Variants in VAT1L observed in about 807,000 individuals in gnomAD.
The protein encoded by VAT1L is vesicle amine transport 1 like, also known as putative NADPH-dependent quinone oxidoreductase VAT1L.
Under a neutral mutation model 44.1 loss-of-function variants are expected in VAT1L, and 34 were observed. The ratio of observed to expected loss-of-function variants is 0.77; its 90% CI spans 0.59 to 1.03. The LOEUF (loss-of-function observed/expected upper bound fraction) is 1.03, where lower values mean the gene tolerates loss of function less well. VAT1L is among the 50% of genes least tolerant of loss of function. VAT1L has a pLI of 0.00. For synonymous variants in VAT1L, 253 were observed against 202.2 expected, an observed-to-expected ratio of 1.25 and a Z score of -2.13; for missense variants, 615 against 538.8, an observed-to-expected ratio of 1.14 and a Z score of -1.40.
intron 3 of VAT1L, among the ~76,000 whole-genome samples, chr16:77,846,298 AAC>A (rs1184456207): frequency 6.6e-6 from 1 of 152,140 alleles, no homozygotes; most frequent in Non-Finnish European, 1.5e-5. Flanking sequence ...CCAAAGCAGA[AAC>A]AGCCCCCAGC....
chr16:77,797,615 C>T (rs959854624), intron 1 of VAT1L, among the ~76,000 whole-genome samples: 13 of 152,130 alleles, frequency 8.5e-5, no homozygotes, highest in Non-Finnish European at 1.5e-4. Context: ...TATAGACAAT[C>T]CAGTCTCTGG....
intron 7 of VAT1L, among the ~76,000 whole-genome samples, chr16:77,954,195 G>A (rs1311760760): frequency 6.6e-6 from 1 of 152,146 alleles, no homozygotes; most frequent in Non-Finnish European, 1.5e-5. Context: ...TGATACTTGC[G>A]CAGAACCAAA....
At chr16:77,923,240 G>A (rs752355832) in intron 7 of VAT1L, among the ~76,000 whole-genome samples, 5 of 152,188 alleles carry the variant, frequency 3.3e-5, no homozygotes, top group Non-Finnish European at 7.3e-5. Flanking sequence ...CATGAGGTCA[G>A]GAAATCGAGA....
intron 4 of VAT1L, among the ~76,000 whole-genome samples, chr16:77,869,891 G>A (rs1240481420): frequency 6.6e-6 from 1 of 152,146 alleles, no homozygotes; most frequent in Non-Finnish European, 1.5e-5. Flanking sequence ...TGAAGCCAAG[G>A]AGTATAAGAT....
chr16:77,866,757 C>T (rs946606953), intron 4 of VAT1L, among the ~76,000 whole-genome samples: 1 of 152,088 alleles, frequency 6.6e-6, no homozygotes, highest in African/African-American at 2.4e-5. Flanking sequence ...ACAGACCTAA[C>T]CTTTACATCC....
chr16:77,817,074 G>A, intron 2 of VAT1L, 24 bp downstream of exon 2: 1 of 1,605,888 alleles, frequency 6.2e-7, no homozygotes. Flanking sequence ...CTCAATTGAA[G>A]AGTAATATTC....
At chr16:77,828,617 C>A (rs919803196) in intron 3 of VAT1L, among the ~76,000 whole-genome samples, 1 of 151,762 alleles carries the variant, frequency 6.6e-6, no homozygotes, top group African/African-American at 2.4e-5. Flanking sequence ...GAGCTGAGAT[C>A]GTGCCACTGC....
chr16:77,888,665 G>A (rs1316439169), intron 7 of VAT1L, among the ~76,000 whole-genome samples: 1 of 152,188 alleles, frequency 6.6e-6, no homozygotes, highest in Non-Finnish European at 1.5e-5. Flanking sequence ...CTGTAGAATG[G>A]TGAGCAGCAT....
chr16:77,871,370 G>A (rs1462002252), intron 4 of VAT1L, among the ~76,000 whole-genome samples: 2 of 152,124 alleles, frequency 1.3e-5, no homozygotes, highest in African/African-American at 4.8e-5. Context: ...ACGGGGGCAG[G>A]TGGCCTGAAT....
intron 7 of VAT1L, among the ~76,000 whole-genome samples, chr16:77,902,722 G>A (rs1471724752): frequency 7.2e-5 from 7 of 97,548 alleles, no homozygotes; most frequent in Non-Finnish European, 8.1e-5. Context: ...TTGGGAGGCC[G>A]ATGGGGGGGT....
chr16:77,896,438 G>C (rs759584510), intron 7 of VAT1L, among the ~76,000 whole-genome samples: 1 of 152,166 alleles, frequency 6.6e-6, no homozygotes, highest in African/African-American at 2.4e-5. Flanking sequence ...CCTTCCTTCG[G>C]TTTCTATTTA....
At chr16:77,897,749 C>T (rs972319386) in intron 7 of VAT1L, among the ~76,000 whole-genome samples, 2 of 152,124 alleles carry the variant, frequency 1.3e-5, no homozygotes, top group African/African-American at 2.4e-5. Flanking sequence ...TGCTGGGATT[C>T]CAGGTGTGAG....
At chr16:77,943,266 A>G (rs1277509125) in intron 7 of VAT1L, among the ~76,000 whole-genome samples, 9 of 151,248 alleles carry the variant, frequency 6.0e-5, no homozygotes, top group Non-Finnish European at 1.2e-4. Flanking sequence ...CATGTTGGTC[A>G]GGCTGGTCTC....
At chr16:77,801,655 C>T (rs192605302) in intron 1 of VAT1L, 46 of 151,846 alleles carry the variant, frequency 3.0e-4, no homozygotes, top group African/African-American at 1.1e-3. Flanking sequence ...ACCCCTCCTC[C>T]CAACACAGGC....
At chr16:77,828,022 G>A (rs539947739) in intron 3 of VAT1L, among the ~76,000 whole-genome samples, 39 of 152,316 alleles carry the variant, frequency 2.6e-4, no homozygotes, top group Admixed American at 1.6e-3. Context: ...TCTCAGACGG[G>A]CTGGTCTCTT....
chr16:77,886,920 TAC>T (rs2017215243), intron 7 of VAT1L, among the ~76,000 whole-genome samples: 1 of 152,222 alleles, frequency 6.6e-6, no homozygotes, highest in Non-Finnish European at 1.5e-5. Context: ...TATGTACACA[TAC>T]ATGTGTGTTT....
intron 2 of VAT1L, among the ~76,000 whole-genome samples, chr16:77,817,510 C>G (rs2016377329): frequency 6.6e-6 from 1 of 152,026 alleles, no homozygotes; most frequent in African/African-American, 2.4e-5. Context: ...TTTATAAATC[C>G]CTAACTACTT....
Position 77,965,033 on chromosome 16 carries a change from G to A in VAT1L, c.1078-6817G>A, listed in dbSNP as rs372804134. On this transcript the variant is annotated intron_variant, in intron 7 of 8. Transcript: ENST00000302536. ...TTGAACTCCCGACCTCAGGTGATTCGCCCGCCTGGGCCTCCCAAAGTGCTG... is the reference window on the plus strand; with the variant it reads ...TTGAACTCCCGACCTCAGGTGATTCACCCGCCTGGGCCTCCCAAAGTGCTG... Among the ~76,000 whole-genome samples, 139 of 151,900 alleles carry A rather than the reference G, an allele frequency of 9.2e-4. 2 individuals carry two copies. Among genetic ancestry groups the A allele is most frequent in the African/African-American group, 2.9e-3 (120 of 41,412 alleles).
chr16:77,948,255 A>G (rs1344998532), intron 7 of VAT1L, among the ~76,000 whole-genome samples: 1 of 152,144 alleles, frequency 6.6e-6, no homozygotes, highest in African/African-American at 2.4e-5. Context: ...TCATCTCTGC[A>G]TGCTGCCTGG....
Sources: gnomAD v4.1 joint callset for allele counts (sites outside exome capture counted in the v4.1 genomes callset) on GRCh38, gnomAD v4.1.1 for gene constraint, MANE v1.5 for transcripts, NCBI Gene and HGNC (gene_info 2026-07-23, HGNC 2026-07-21) for gene names.